ATP2C2: variants seen among roughly 807,000 people sequenced by gnomAD.
The protein encoded by ATP2C2 is ATPase secretory pathway Ca2+ transporting 2.
A neutral mutation model predicts 110.8 loss-of-function variants in ATP2C2; 171 were observed. The observed-to-expected ratio is 1.54, with a 90% CI of 1.36 to 1.75. The LOEUF is 1.75. Ranked by LOEUF, ATP2C2 falls within the 40% of genes most tolerant of loss-of-function variation. ATP2C2 has a pLI of 0.00. For synonymous variants in ATP2C2, 804 were observed against 508.4 expected (o/e 1.58, Z -7.82); for missense variants, 1,963 against 1,235.0 (o/e 1.59, Z -8.84).
Position 84,405,166 on chromosome 16 carries a change from G to T in ATP2C2, c.249G>T (p.Thr83=), listed in dbSNP as rs1197418633. 6.2e-7 allele frequency: 1 copy of T among 1,613,818 alleles called. No individual in the cohort carries two copies. Among genetic ancestry groups the T allele is most frequent in the Non-Finnish European group, 8.5e-7 (1 of 1,179,970 alleles). ...CTGGGCTGTCGGAGTTCTCGGTGAC[G>T]CAGCGCCGGCTGGCCCATGGCTGGA... ...LHTGLSEFSV[T]QRRLAHGWNE... Residue 83 remains threonine (T), a synonymous_variant, in exon 3 of 27, where the codon ACG becomes ACT. Coordinates refer to ENST00000262429, the MANE Select transcript of ATP2C2 (RefSeq NM_014861.4).
intron 1 of ATP2C2, among the ~76,000 whole-genome samples, chr16:84,385,212 G>A (rs1000395726): frequency 6.6e-6 from 1 of 152,194 alleles, no homozygotes; most frequent in Non-Finnish European, 1.5e-5. Context: ...AAGGAGGAGT[G>A]AAGTGTCTTA....
At chr16:84,391,570 G>C (rs747528785) in intron 1 of ATP2C2, among the ~76,000 whole-genome samples, 2 of 152,212 alleles carry the variant, frequency 1.3e-5, no homozygotes, top group Non-Finnish European at 2.9e-5. Flanking sequence ...TGGGAATATA[G>C]CCATGTGCTG....
At position 84,463,650 on chromosome 16, in the gene ATP2C2, T is replaced by C. The variant is rs750935959; in HGVS notation, c.2759T>C (p.Phe920Ser). ...LFLTGLASSVFILSELLKLCE... is the reference protein window; with the variant it reads ...LFLTGLASSVSILSELLKLCE... The stretch of plus-strand genomic sequence containing the variant: ...TTAACTGGATTGGCCTCATCCGTCT[T>C]CATTTTGTCAGAGCTCCTCAAACTA... The change falls in exon 27 of 27, where the codon TTC becomes TCC. Residue 920 changes from phenylalanine (F) to serine (S), a missense_variant. Phe to Ser is a radical substitution (Grantham distance 155). Transcript: ENST00000262429. 2.5e-6 allele frequency: 4 copies of C among 1,614,130 alleles called. No individual in the cohort carries two copies. The highest frequency in any genetic ancestry group is 2.2e-5 in the East Asian group (1 of 44,900).
intron 4 of ATP2C2, among the ~76,000 whole-genome samples, chr16:84,408,774 G>T (rs1341932979): frequency 6.6e-6 from 1 of 151,968 alleles, no homozygotes; most frequent in Non-Finnish European, 1.5e-5. Flanking sequence ...TGGGATGAGG[G>T]GAATAGAGCC....
At chr16:84,431,661 G>A (rs1194529794) in intron 11 of ATP2C2, among the ~76,000 whole-genome samples, 1 of 151,938 alleles carries the variant, frequency 6.6e-6, no homozygotes, top group Non-Finnish European at 1.5e-5. Flanking sequence ...GGTCACTTGG[G>A]GGGGACCACA....
At position 84,385,292 on chromosome 16, in the gene ATP2C2, C is replaced by A. The variant is rs143170822; in HGVS notation, c.100-13207C>A. 5.8e-3 allele frequency among the ~76,000 whole-genome samples: 887 copies of A among 152,194 alleles called. 11 individuals are homozygous for A. The highest frequency in any genetic ancestry group is 0.019 in the African/African-American group (790 of 41,510). ...CATGCTTTTAAATGACGAGATCTCA[C>A]GAGAACTCACATTCGCGAGGACAGT... On this transcript the variant is annotated intron_variant, in intron 1 of 26. Transcript: ENST00000262429.
At chr16:84,373,176 C>T (rs1412720502) in intron 1 of ATP2C2, among the ~76,000 whole-genome samples, 1 of 150,464 alleles carries the variant, frequency 6.6e-6, no homozygotes, top group Non-Finnish European at 1.5e-5. Flanking sequence ...AATAGAACAG[C>T]CTTATTTTGA....
intron 2 of ATP2C2, among the ~76,000 whole-genome samples, chr16:84,398,951 G>A (rs1905154261): frequency 6.6e-6 from 1 of 152,240 alleles, no homozygotes; most frequent in African/African-American, 2.4e-5. Context: ...GTTAGAGGTA[G>A]CACAGCCCAG....
At chr16:84,386,983 C>T (rs1040780331) in intron 1 of ATP2C2, among the ~76,000 whole-genome samples, 1 of 152,166 alleles carries the variant, frequency 6.6e-6, no homozygotes, top group Non-Finnish European at 1.5e-5. Context: ...TTGCAATGTT[C>T]TTCCCCATTT....
chr16:84,435,566 C>T (rs778564983), intron 11 of ATP2C2, among the ~76,000 whole-genome samples: 2 of 152,218 alleles, frequency 1.3e-5, no homozygotes, highest in African/African-American at 2.4e-5. Flanking sequence ...AGGCTCATGC[C>T]TGTAATCCCA....
intron 1 of ATP2C2, among the ~76,000 whole-genome samples, chr16:84,374,681 C>A (rs1222643015): frequency 6.6e-6 from 1 of 151,952 alleles, no homozygotes. Context: ...ATGGGGGGTC[C>A]TTTGGTTTTC....
intron 26 of ATP2C2, chr16:84,462,712 A>C (rs899103895): frequency 1.3e-5 from 2 of 152,820 alleles, no homozygotes; most frequent in African/African-American, 4.8e-5. Flanking sequence ...AAGGGGAGGG[A>C]GCCAGGGACA....
At chr16:84,445,366 G>A (rs1017885284) in intron 15 of ATP2C2, among the ~76,000 whole-genome samples, 9 of 152,004 alleles carry the variant, frequency 5.9e-5, no homozygotes, top group Non-Finnish European at 2.9e-5. Context: ...CTGCCACCAC[G>A]CCTGGCTAAC....
chr16:84,413,435 G>T, intron 6 of ATP2C2, among the ~76,000 whole-genome samples: 1 of 152,124 alleles, frequency 6.6e-6, no homozygotes, highest in East Asian at 1.9e-4. Context: ...CATCACAGAG[G>T]GTGAGTCAAT....
intron 17 of ATP2C2, 101 bp downstream of exon 17, chr16:84,448,790 C>G (rs1255708963): frequency 4.8e-6 from 7 of 1,472,468 alleles, no homozygotes; most frequent in Non-Finnish European, 6.4e-6. Context: ...TCACCCGTCC[C>G]AAGGAGTCAG....
At chr16:84,459,249 C>G (rs777836674) in intron 22 of ATP2C2, 21 bp from the exon 23 acceptor site, 1 of 1,614,150 alleles carries the variant, frequency 6.2e-7, no homozygotes, top group Non-Finnish European at 8.5e-7. Context: ...CGGCCGCTGA[C>G]TGGCTGCGTG....
At chr16:84,375,967 G>A (rs1910225605) in intron 1 of ATP2C2, among the ~76,000 whole-genome samples, 1 of 151,896 alleles carries the variant, frequency 6.6e-6, no homozygotes, top group African/African-American at 2.4e-5. Context: ...GGGGTAGCTG[G>A]GTGGGTGTAG....
intron 1 of ATP2C2, among the ~76,000 whole-genome samples, chr16:84,394,719 G>T (rs760794088): frequency 4.6e-5 from 7 of 152,064 alleles, no homozygotes; most frequent in Admixed American, 1.3e-4. Context: ...TTCATTGACC[G>T]ATGGACACGT....
chr16:84,413,969 A>G (rs1906613311), intron 6 of ATP2C2, among the ~76,000 whole-genome samples: 1 of 152,220 alleles, frequency 6.6e-6, no homozygotes, highest in Non-Finnish European at 1.5e-5. Flanking sequence ...GAAGAACAAG[A>G]TGACCTTGGA....
Sources: allele counts gnomAD v4.1 joint callset (sites outside exome capture counted in the v4.1 genomes callset), GRCh38; gene constraint gnomAD v4.1.1; transcripts MANE v1.5; gene names NCBI Gene and HGNC (gene_info 2026-07-23, HGNC 2026-07-21).